HTT: variants seen among roughly 807,000 people sequenced by gnomAD.
The protein encoded by HTT is huntingtin.
Under a neutral mutation model 362.3 loss-of-function variants are expected in HTT, and 104 were observed. That is an observed-to-expected ratio of 0.29 (90% CI 0.24 to 0.34). HTT has a LOEUF of 0.34. Ranked by LOEUF, HTT falls within the 10% of genes least tolerant of loss-of-function variation. The pLI, the probability that HTT is intolerant of heterozygous loss-of-function variation, is 1.00. For missense variants in HTT, 3,301 were observed against 3,928.6 expected, an observed-to-expected ratio of 0.84 and a Z score of 4.27; for synonymous variants, 1,577 against 1,548.7, an observed-to-expected ratio of 1.02 and a Z score of -0.43.
rs1443123679 is a variant in HTT at position 3,115,190 on chromosome 4, C to G, written c.748-114C>G. 10 of 1,093,254 alleles carry G rather than the reference C, an allele frequency of 9.1e-6. No homozygotes were observed. In the Admixed American group the frequency reaches 2.4e-4, roughly 26 times the overall value. The allele number at this position is 1,093,254 out of a possible 1,614,324, so 67.7% of individuals were successfully genotyped here. ...GTTCAGCTGTAGGAAAAGCCTCAAA[C>G]TGTTTATACTTTGCAAGAATTGGAA... On this transcript the variant is annotated intron_variant, in intron 6 of 66. Transcript: ENST00000355072.
intron 21 of HTT, among the ~76,000 whole-genome samples, chr4:3,136,664 C>T (rs1716080427): frequency 1.3e-5 from 2 of 151,778 alleles, no homozygotes; most frequent in East Asian, 1.9e-4. Flanking sequence ...TTGCTATATA[C>T]TCTATGAGTT....
chr4:3,132,955 AT>A, intron 18 of HTT, 44 bp downstream of exon 18: 1 of 1,336,004 alleles, frequency 7.5e-7, no homozygotes, highest in Non-Finnish European at 1.1e-6. Context: ...CTTAGTGGAC[AT>A]TTTATCATTG....
intron 10 of HTT, 45 bp downstream of exon 10, chr4:3,122,981 T>A (rs373546194): frequency 6.9e-7 from 1 of 1,448,506 alleles, no homozygotes; most frequent in Non-Finnish European, 9.7e-7. Context: ...TCTTACTGAT[T>A]TTCTTGTATT....
Position 3,074,725 on chromosome 4 carries a change from T to G in HTT, c.-101T>G, listed in dbSNP as rs1712370775. The G allele has an allele frequency of 7.7e-7, 1 of 1,292,332 alleles. No homozygotes were observed. The highest frequency in any genetic ancestry group is 1.0e-6 in the Non-Finnish European group (1 of 967,434). 80.1% of individuals were successfully genotyped at this position (1,292,332 alleles called of 1,614,324 possible). On this transcript the variant is annotated 5_prime_UTR_variant, in exon 1 of 67. Transcript: ENST00000355072. ...GATGGACGGCCGCTCAGGTTCTGCT[T>G]TTACCTGCGGCCCAGAGCCCCATTC...
chr4:3,103,865 C>G lies in HTT; in HGVS notation c.510C>G (p.Leu170=). 6.2e-7 allele frequency: 1 copy of G among 1,603,984 alleles called. No homozygotes were observed. The change falls in exon 4 of 67, where the codon CTC becomes CTG. Residue 170 remains leucine (L), a synonymous_variant. Coordinates refer to ENST00000355072, the MANE Select transcript of HTT (RefSeq NM_001388492.1). ...DSNLPRLQLE[L]YKEIKKNGAP... is the part of the protein sequence containing the mutation. Reference sequence around the variant, plus strand: ...ATCTTCCAAGGTTACAGCTCGAGCTCTATAAGGAAATTAAAAAGGTGGGCC... The same window carrying G: ...ATCTTCCAAGGTTACAGCTCGAGCTGTATAAGGAAATTAAAAAGGTGGGCC...
rs566711785 is a variant in HTT at position 3,241,589 on chromosome 4, C to G, written c.*1530C>G. 2 of 152,276 alleles carry G rather than the reference C, an allele frequency of 1.3e-5. No individual in the cohort carries two copies. The highest frequency in any genetic ancestry group is 4.8e-5 in the African/African-American group (2 of 41,454). The allele number at this position is 152,276 out of a possible 1,614,324, so 9.4% of individuals were successfully genotyped here. A position where few individuals can be genotyped will look rare whatever the true frequency, so the allele number is the denominator to read the frequency against. ...TCATGTGGCTTGGTTTGGTCATGCC[C>G]GTCGATGTTTTGGGTATTGAATGTG... is the stretch of plus-strand genomic sequence containing the variant. On this transcript the variant is annotated 3_prime_UTR_variant, in exon 67 of 67. Coordinates refer to ENST00000355072, the MANE Select transcript of HTT (RefSeq NM_001388492.1).
intron 39 of HTT, chr4:3,188,727 TA>T: frequency 8.1e-6 from 4 of 494,514 alleles, no homozygotes; most frequent in Non-Finnish European, 1.5e-5. Flanking sequence ...TCACAAAGCT[TA>T]AAAAAATGCT....
chr4:3,233,082 G>C (rs181880555), intron 60 of HTT, 81 bp from the exon 61 acceptor site: 15 of 1,203,450 alleles, frequency 1.2e-5, no homozygotes, highest in Non-Finnish European at 1.7e-5. Flanking sequence ...TGAGGGCAGC[G>C]CCCCCGCCTC....
intron 29 of HTT, among the ~76,000 whole-genome samples, chr4:3,162,644 C>T (rs7698150): frequency 0.035 from 5,365 of 152,210 alleles, 291 homozygotes; most frequent in African/African-American, 0.12. Flanking sequence ...CCTTCACATC[C>T]CTTGTAAGTT....
chr4:3,229,047 G>A (rs1721062207), intron 59 of HTT, 38 bp downstream of exon 59: 1 of 1,591,760 alleles, frequency 6.3e-7, no homozygotes. Flanking sequence ...ACCTGCACGT[G>A]CCACACGCAC....
intron 3 of HTT, among the ~76,000 whole-genome samples, chr4:3,100,957 G>A (rs1714123480): frequency 2.0e-5 from 3 of 152,182 alleles, no homozygotes; most frequent in African/African-American, 2.4e-5. Context: ...TTGAACGCCT[G>A]GGCTCAAGTG....
chr4:3,168,288 T>C (rs566924465), intron 29 of HTT, among the ~76,000 whole-genome samples: 1 of 152,230 alleles, frequency 6.6e-6, no homozygotes, highest in South Asian at 2.1e-4. Context: ...TGCACCAACA[T>C]GCATAGGCCT....
At chr4:3,214,741 A>G (rs1004156720) in intron 50 of HTT, among the ~76,000 whole-genome samples, 12 of 152,238 alleles carry the variant, frequency 7.9e-5, no homozygotes, top group African/African-American at 2.9e-4. Context: ...TTTGTAGCCA[A>G]CTTGAAAACA....
intron 6 of HTT, among the ~76,000 whole-genome samples, chr4:3,112,578 C>T (rs1056545774): frequency 1.3e-5 from 2 of 152,164 alleles, no homozygotes; most frequent in Non-Finnish European, 2.9e-5. Flanking sequence ...TCTATATTAT[C>T]GTGTGTATTA....
chr4:3,228,711 C>G lies in HTT; in HGVS notation c.7945C>G (p.Pro2649Ala), dbSNP rs779272117. Residue 2649 changes from proline (P) to alanine (A), a missense_variant, in exon 58 of 67, where the codon CCT (proline) becomes GCT (alanine). Pro to Ala is a conservative substitution (Grantham distance 27). Around this residue, in one of 4 missense-constraint regions of HTT, gnomAD observed 753 missense variants for 1,021.3 expected, o/e 0.74. Coordinates refer to ENST00000355072, the MANE Select transcript of HTT (RefSeq NM_001388492.1). This position sits in a 1 kb window ranked among gnomAD's most constrained non-coding sequence, Gnocchi z 4.3. ...EEEEEADAPA[P>A]SSPPTSPVNS... Reference sequence around the variant, plus strand: ...GGAGGAGGAGGCCGACGCCCCTGCACCTTCGTCACCACCCACGTCTCCAGT... The same window carrying G: ...GGAGGAGGAGGCCGACGCCCCTGCAGCTTCGTCACCACCCACGTCTCCAGT... 10 of 1,606,554 alleles carry G rather than the reference C, an allele frequency of 6.2e-6. No homozygotes were observed. The highest frequency in any genetic ancestry group is 7.7e-6 in the Non-Finnish European group (9 of 1,175,710).
At chr4:3,090,748 A>G (rs919065679) in intron 2 of HTT, among the ~76,000 whole-genome samples, 18 of 152,360 alleles carry the variant, frequency 1.2e-4, no homozygotes, top group African/African-American at 4.1e-4. Flanking sequence ...ATCTTGATCA[A>G]AATTCTAGTA....
intron 42 of HTT, among the ~76,000 whole-genome samples, chr4:3,205,254 T>C (rs1719802422): frequency 6.6e-6 from 1 of 152,140 alleles, no homozygotes; most frequent in South Asian, 2.1e-4. Context: ...TCTATATTTA[T>C]ATTAAAAATA....
In HTT at chr4:3,179,026, T is replaced by G. The variant is rs571190682; in HGVS notation, c.4612+580T>G. 1.7e-3 allele frequency among the ~76,000 whole-genome samples: 258 copies of G among 152,328 alleles called. 1 individual carries two copies. Among genetic ancestry groups the G allele is most frequent in the African/African-American group, 6.1e-3 (252 of 41,558 alleles). On this transcript the variant is annotated intron_variant, in intron 35 of 66. Transcript: ENST00000355072. ...TTCTTTGAGCTTTTTGAACTGATCT[T>G]CCAGCATTGCCCTATTGACCCCTCC...
chr4:3,132,999 T>A, intron 18 of HTT, 88 bp downstream of exon 18: 3 of 993,524 alleles, frequency 3.0e-6, no homozygotes, highest in Non-Finnish European at 1.6e-6. Flanking sequence ...ATAGGAAATA[T>A]TTCCATGCAC....
Sources: gnomAD v4.1 joint callset for allele counts (sites outside exome capture counted in the v4.1 genomes callset) on GRCh38, gnomAD v4.1.1 for gene constraint, gnomAD v4.1.1 regional missense constraint, Gnocchi (gnomAD v3.1) non-coding constraint, MANE v1.5 for transcripts, NCBI Gene and HGNC (gene_info 2026-07-23, HGNC 2026-07-21) for gene names.